WNK1: variants seen among roughly 807,000 people sequenced by gnomAD.
WNK1 encodes WNK lysine deficient protein kinase 1, also known as serine/threonine-protein kinase WNK1.
WNK1 carries 38 observed loss-of-function variants against 222.8 expected under a neutral mutation model. The ratio of observed to expected loss-of-function variants is 0.17; its 90% CI spans 0.13 to 0.22. The LOEUF (loss-of-function observed/expected upper bound fraction) is 0.22, where lower values mean the gene tolerates loss of function less well. WNK1 is among the 10% of genes least tolerant of loss of function. The probability of loss-of-function intolerance (pLI) is 1.00; values close to 1 mark genes in which losing one functional copy is unlikely to be tolerated. For synonymous variants in WNK1, 1,090 were observed against 1,092.9 expected (o/e 1.00, Z 0.05); for missense variants, 2,348 against 2,918.4 (o/e 0.80, Z 4.50).
In WNK1 at chr12:762,973, C is replaced by G. The variant is rs1215848288; in HGVS notation, c.759+8649C>G. On this transcript the variant is annotated intron_variant, in intron 1 of 27. Transcript: ENST00000315939. ...GTTGGTCAGGCTGGTCTCCAACTCC[C>G]GACCTCAGGCGATCCGCCAGCCTCG... is the stretch of plus-strand genomic sequence containing the variant. Among the ~76,000 whole-genome samples the G allele has an allele frequency of 1.4e-5, 2 of 146,016 alleles. 1 individual carries two copies. The highest frequency in any genetic ancestry group is 3.1e-5 in the Non-Finnish European group (2 of 65,382).
intron 6 of WNK1, among the ~76,000 whole-genome samples, chr12:860,211 G>A (rs2154065023): frequency 6.6e-6 from 1 of 152,318 alleles, no homozygotes; most frequent in South Asian, 2.1e-4. Context: ...ATTAGCCTTT[G>A]ATCAGTTATC....
chr12:906,307 T>A, intron 26 of WNK1: 3 of 985,264 alleles, frequency 3.0e-6, no homozygotes, highest in Non-Finnish European at 3.6e-6. Flanking sequence ...CCTCTTGGAA[T>A]AATCTTCAGT....
chr12:885,855 T>C lies in WNK1; in HGVS notation c.5051T>C (p.Ile1684Thr), dbSNP rs1298559115. ...GTCTCACTGGAGACCTCACTAGTCATAGAGAGCACTGTCACACCAGGCATC... is the reference window on the plus strand; with the variant it reads ...GTCTCACTGGAGACCTCACTAGTCACAGAGAGCACTGTCACACCAGGCATC... ...ASVSLETSLV[I>T]ESTVTPGIPT... Residue 1684 changes from isoleucine (I) to threonine (T), a missense_variant, in exon 19 of 28, where the codon ATA (isoleucine) becomes ACA (threonine). Ile to Thr is a moderately conservative substitution (Grantham distance 89, BLOSUM62 -1). Coordinates refer to ENST00000315939, the MANE Select transcript of WNK1 (RefSeq NM_018979.4). The C allele has an allele frequency of 3.7e-6, 6 of 1,614,082 alleles. No individual in the cohort carries two copies. The highest frequency in any genetic ancestry group is 1.7e-5 in the Admixed American group (1 of 60,004).
chr12:880,741 A>G lies in WNK1; in HGVS notation c.2853A>G (p.Pro951=). ...VLYQGFPPRL[P]PQYPGDSNIA... The stretch of plus-strand genomic sequence containing the variant: ...CACAGGGCTTCCCACCTCGACTGCC[A>G]CCACAGTACCCAGGAGATTCAAATA... Residue 951 remains proline (P), a synonymous_variant, in exon 12 of 28, where the codon CCA becomes CCG. Coordinates refer to ENST00000315939, the MANE Select transcript of WNK1 (RefSeq NM_018979.4). 6.2e-7 allele frequency: 1 copy of G among 1,612,638 alleles called. No individual in the cohort carries two copies. The highest frequency in any genetic ancestry group is 8.5e-7 in the Non-Finnish European group (1 of 1,179,794).
chr12:781,535 G>C (rs911473658), intron 1 of WNK1, among the ~76,000 whole-genome samples: 9 of 152,088 alleles, frequency 5.9e-5, no homozygotes, highest in African/African-American at 2.2e-4. Context: ...ACTGAAGTTA[G>C]GTGTGTGTGA....
At chr12:850,188 T>A (rs931545388) in intron 4 of WNK1, among the ~76,000 whole-genome samples, 3 of 152,352 alleles carry the variant, frequency 2.0e-5, no homozygotes, top group Non-Finnish European at 2.9e-5. Context: ...CCTCCAACAG[T>A]GTAAAAGTGT....
Position 885,953 on chromosome 12 carries a change from C to G in WNK1, c.5149C>G (p.Pro1717Ala). 1.9e-6 allele frequency: 3 copies of G among 1,593,456 alleles called. No homozygotes were observed. The highest frequency in any genetic ancestry group is 2.6e-6 in the Non-Finnish European group (3 of 1,169,990). The change falls in exon 19 of 28, where the codon CCA becomes GCA. Residue 1717 changes from proline to alanine, a missense_variant. By Grantham distance (27) the Pro-to-Ala change is conservative. This residue lies in a region of WNK1 where 1,144 missense variants were observed against 1,273.6 expected (regional missense o/e 0.90). Coordinates refer to ENST00000315939, the MANE Select transcript of WNK1 (RefSeq NM_018979.4). Reference sequence around the variant, plus strand: ...TACTTGCTTACCACCAACCAATTTACCACTAGGAACAGTTGCTTTGCCAGT... The same window carrying G: ...TACTTGCTTACCACCAACCAATTTAGCACTAGGAACAGTTGCTTTGCCAGT... The part of the protein sequence containing the change: ...TSTCLPPTNL[P>A]LGTVALPVTP...
chr12:886,125 G>GA, intron 19 of WNK1, 41 bp downstream of exon 19: 1 of 1,458,758 alleles, frequency 6.9e-7, no homozygotes, highest in Non-Finnish European at 9.3e-7. Context: ...AATATGATCA[G>GA]TTTTTTTTCT....
chr12:865,957 T>G (rs922545620), intron 8 of WNK1, among the ~76,000 whole-genome samples: 2 of 152,224 alleles, frequency 1.3e-5, no homozygotes, highest in Non-Finnish European at 2.9e-5. Context: ...AAGGTGGGAC[T>G]GTAGCTCTAA....
At chr12:808,843 A>G (rs1180070397) in intron 1 of WNK1, among the ~76,000 whole-genome samples, 1 of 149,736 alleles carries the variant, frequency 6.7e-6, no homozygotes, top group Non-Finnish European at 1.5e-5. Context: ...GACTCACTGC[A>G]ATCTCCGCTT....
Position 881,803 on chromosome 12 carries a change from G to A in WNK1, c.3209+14G>A, listed in dbSNP as rs750297533. 3 of 1,614,008 alleles carry A rather than the reference G, an allele frequency of 1.9e-6. No individual in the cohort carries two copies. Among genetic ancestry groups the A allele is most frequent in the Non-Finnish European group, 2.5e-6 (3 of 1,179,908 alleles). On this transcript the variant is annotated intron_variant, in intron 13 of 27. Transcript: ENST00000315939. ...CTCTGTAGACAGGTACGTAAAACTA[G>A]AATTCTCCTTCCTTGACTGGTAAAT...
chr12:906,150 A>G (rs570281193), intron 26 of WNK1, among the ~76,000 whole-genome samples: 2 of 152,274 alleles, frequency 1.3e-5, no homozygotes, highest in African/African-American at 2.4e-5. Context: ...TTACCCCCGC[A>G]TTACTTGGGT....
At chr12:766,651 GT>G (rs1258405616) in intron 1 of WNK1, among the ~76,000 whole-genome samples, 1 of 151,716 alleles carries the variant, frequency 6.6e-6, no homozygotes, top group Non-Finnish European at 1.5e-5. Flanking sequence ...GCTAATTTTT[GT>G]TTTTTTAGTA....
At chr12:811,146 A>G (rs529301022) in intron 1 of WNK1, among the ~76,000 whole-genome samples, 2 of 152,334 alleles carry the variant, frequency 1.3e-5, no homozygotes, top group South Asian at 4.1e-4. Context: ...TGGCTAATCC[A>G]TTCTAAGTCT....
At chr12:774,686 T>C (rs1007541676) in intron 1 of WNK1, among the ~76,000 whole-genome samples, 2 of 152,238 alleles carry the variant, frequency 1.3e-5, no homozygotes, top group Admixed American at 1.3e-4. Context: ...AGAAGAGTTA[T>C]ATAGATTTTC....
At chr12:869,322 ACCAGTGG>A in intron 8 of WNK1, 1 of 630,290 alleles carries the variant, frequency 1.6e-6, no homozygotes, top group African/African-American at 1.8e-5. Context: ...ATATGTGAAA[ACCAGTGG>A]AAAAAACACA....
At chr12:873,790 G>T (rs1172725433) in intron 9 of WNK1, among the ~76,000 whole-genome samples, 3 of 152,018 alleles carry the variant, frequency 2.0e-5, no homozygotes, top group Non-Finnish European at 2.9e-5. Context: ...GTACTTTCAG[G>T]TCCCAATCCC....
Position 897,530 on chromosome 12 carries a change from A to C in WNK1, c.6297A>C (p.Glu2099Asp). The change falls in exon 25 of 28, where the codon GAA becomes GAC. Residue 2099 changes from glutamate (E) to aspartate (D), a missense_variant. Glu to Asp is a conservative substitution (Grantham distance 45). Transcript: ENST00000315939. ...DLQSRQKHEI[E>D]SLYTKLGKVP... ...AGAGTCGCCAGAAGCATGAAATTGA[A>C]TCTTTGTATACCAAACTGGGCAAGG... 6.2e-7 allele frequency: 1 copy of C among 1,613,544 alleles called. No homozygotes were observed. The highest frequency in any genetic ancestry group is 8.5e-7 in the Non-Finnish European group (1 of 1,179,416).
chr12:815,553 C>T (rs1286581606), intron 2 of WNK1, among the ~76,000 whole-genome samples: 2 of 152,182 alleles, frequency 1.3e-5, no homozygotes, highest in Non-Finnish European at 2.9e-5. Flanking sequence ...CTCTTTTCTT[C>T]CATTAGAATG....
Sources: gnomAD v4.1 joint callset for allele counts (sites outside exome capture counted in the v4.1 genomes callset) on GRCh38, gnomAD v4.1.1 for gene constraint, gnomAD v4.1.1 regional missense constraint, MANE v1.5 for transcripts, NCBI Gene and HGNC (gene_info 2026-07-23, HGNC 2026-07-21) for gene names.